The following PADI3 variants were observed in gnomAD, a reference collection of about 807,000 sequenced individuals.
PADI3 encodes peptidyl arginine deiminase 3.
PADI3 carries 53 observed loss-of-function variants against 71.5 expected under a neutral mutation model. The ratio of observed to expected loss-of-function variants is 0.74; its 90% CI spans 0.59 to 0.93. The LOEUF (loss-of-function observed/expected upper bound fraction) is 0.93. Ranked by LOEUF, PADI3 falls within the 40% of genes least tolerant of loss-of-function variation. PADI3 has a pLI of 0.00. For missense variants in PADI3, 821 were observed against 868.0 expected (o/e 0.95, Z 0.68); for synonymous variants, 361 against 347.5 (o/e 1.04, Z -0.43).
rs1319455911 is a variant in PADI3, at chr1:17,267,860, G to A, written c.550G>A (p.Val184Ile). 6.8e-6 allele frequency: 11 copies of A among 1,614,038 alleles called. No homozygotes were observed. The highest frequency in any genetic ancestry group is 9.3e-6 in the Non-Finnish European group (11 of 1,180,042). Residue 184 changes from valine to isoleucine, a missense_variant, in exon 6 of 16, where the codon GTC becomes ATC. Transcript: ENST00000375460. ...AGACCTGGAAGACATGTCTGTCATG[G>A]TCCTGCGGACGCAGGGCCCTGCAGC... ...LQDLEDMSVM[V>I]LRTQGPAALF...
At chr1:17,265,255 C>A (rs4920585) in intron 3 of PADI3, among the ~76,000 whole-genome samples, 1 of 151,914 alleles carries the variant, frequency 6.6e-6, no homozygotes, top group African/African-American at 2.4e-5. Context: ...AGCCAGGAGG[C>A]GGCAGAACCT....
chr1:17,268,039 T>C, intron 6 of PADI3, 77 bp downstream of exon 6: 1 of 1,556,996 alleles, frequency 6.4e-7, no homozygotes, highest in Non-Finnish European at 8.8e-7. Flanking sequence ...TGTTCCTGCC[T>C]TGGGCCATGG....
chr1:17,258,364 G>T (rs1165540686), intron 1 of PADI3, among the ~76,000 whole-genome samples: 1 of 152,238 alleles, frequency 6.6e-6, no homozygotes, highest in Non-Finnish European at 1.5e-5. Context: ...GCAGTGGGTG[G>T]ATCTGCCCGC....
intron 1 of PADI3, among the ~76,000 whole-genome samples, chr1:17,255,136 G>T (rs1332666612): frequency 1.3e-5 from 2 of 152,212 alleles, no homozygotes; most frequent in South Asian, 4.1e-4. Flanking sequence ...CTAAGAATCT[G>T]CATTTTCAAT....
chr1:17,259,462 G>T, intron 1 of PADI3, 116 bp from the exon 2 acceptor site: 1 of 858,730 alleles, frequency 1.2e-6, no homozygotes, highest in Middle Eastern at 2.4e-4. Context: ...GAGGATCTGA[G>T]GGGACTGGGT....
chr1:17,282,182 T>C (rs979655197), intron 15 of PADI3, among the ~76,000 whole-genome samples: 22 of 152,292 alleles, frequency 1.4e-4, no homozygotes, highest in African/African-American at 5.1e-4. Context: ...GGTTCTTGTG[T>C]TCGCAAGAGA....
chr1:17,276,683 CG>C lies in PADI3; in HGVS notation c.1452+21del, dbSNP rs770105151. 12 of 1,613,786 alleles carry C rather than the reference CG, an allele frequency of 7.4e-6. No individual in the cohort carries two copies. Among genetic ancestry groups the C allele is most frequent in the African/African-American group, 2.7e-5 (2 of 74,910 alleles). On this transcript the variant is annotated intron_variant, in intron 12 of 15. Coordinates refer to ENST00000375460, the MANE Select transcript of PADI3 (RefSeq NM_016233.2). Reference sequence around the variant, plus strand: ...GGGAAGGTAAGAACTTCGTGCATGACGTGTCTTTCCCTGGCATCTGGGGCAA... The same window carrying C: ...GGGAAGGTAAGAACTTCGTGCATGACTGTCTTTCCCTGGCATCTGGGGCAA...
intron 7 of PADI3, 35 bp downstream of exon 7, chr1:17,270,446 C>G: frequency 6.4e-7 from 1 of 1,569,012 alleles, no homozygotes; most frequent in South Asian, 1.2e-5. Context: ...GAGCTCCACT[C>G]GGGACCAGCC....
At chr1:17,258,335 G>A (rs780703681) in intron 1 of PADI3, among the ~76,000 whole-genome samples, 2 of 152,200 alleles carry the variant, frequency 1.3e-5, no homozygotes, top group Non-Finnish European at 2.9e-5. Context: ...GCTCCCCAGC[G>A]GGATCAACAG....
At chr1:17,281,230 AG>A (rs941360160) in intron 15 of PADI3, among the ~76,000 whole-genome samples, 2 of 152,184 alleles carry the variant, frequency 1.3e-5, no homozygotes, top group African/African-American at 4.8e-5. Flanking sequence ...AGGGACTTTC[AG>A]TCTAATCGGT....
intron 6 of PADI3, among the ~76,000 whole-genome samples, chr1:17,269,334 C>T (rs2073214804): frequency 6.6e-6 from 1 of 152,174 alleles, no homozygotes; most frequent in Admixed American, 6.5e-5. Flanking sequence ...TTATTGAGCT[C>T]TACTTCATTC....
At chr1:17,268,886 C>CCT (rs1157872988) in intron 6 of PADI3, among the ~76,000 whole-genome samples, 6 of 132,598 alleles carry the variant, frequency 4.5e-5, no homozygotes, top group Non-Finnish European at 8.0e-5. Flanking sequence ...CTAAATCTGA[C>CCT]TTTTTTTTTT....
chr1:17,268,074 G>A, intron 6 of PADI3, 112 bp downstream of exon 6: 1 of 1,288,730 alleles, frequency 7.8e-7, no homozygotes, highest in Non-Finnish European at 1.1e-6. Flanking sequence ...CACTCCGGGA[G>A]ATGCCCTGGT....
intron 10 of PADI3, 77 bp downstream of exon 10, chr1:17,273,524 C>A: frequency 1.2e-6 from 1 of 861,400 alleles, no homozygotes; most frequent in Non-Finnish European, 1.9e-6. Flanking sequence ...GTGTGGGGTA[C>A]AGAGGGCAGC....
At chr1:17,257,285 G>A (rs916643856) in intron 1 of PADI3, among the ~76,000 whole-genome samples, 4 of 152,200 alleles carry the variant, frequency 2.6e-5, no homozygotes, top group African/African-American at 9.7e-5. Context: ...TCCCCTGTGG[G>A]GGGCTGCCCA....
chr1:17,265,670 G>A lies in PADI3; in HGVS notation c.358G>A (p.Asp120Asn). The A allele has an allele frequency of 6.2e-7, 1 of 1,614,160 alleles. No individual in the cohort carries two copies. Among genetic ancestry groups the A allele is most frequent in the Non-Finnish European group, 8.5e-7 (1 of 1,180,010 alleles). Residue 120 changes from aspartate to asparagine, a missense_variant, in exon 4 of 16, where the codon GAT becomes AAT. Transcript: ENST00000375460. ...LYLTCVDISL[D>N]CDLNCEGRQD... is the part of the protein sequence containing the mutation. ...GCCTCCTCTTGCAGACATCTCTCTG[G>A]ATTGCGACCTGAACTGTGAGGGAAG...
chr1:17,276,903 T>G (rs1193715580), intron 13 of PADI3, 27 bp downstream of exon 13: 7 of 1,572,514 alleles, frequency 4.5e-6, no homozygotes, highest in Non-Finnish European at 6.1e-6. Flanking sequence ...TGTCCCTCCT[T>G]GCGGCTTGCC....
intron 1 of PADI3, among the ~76,000 whole-genome samples, chr1:17,255,695 A>T (rs2073019239): frequency 6.6e-6 from 1 of 152,138 alleles, no homozygotes; most frequent in Admixed American, 6.5e-5. Context: ...CAGCAGCCCT[A>T]CCTTCTAGTC....
chr1:17,259,977 T>C (rs1032158660), intron 2 of PADI3, among the ~76,000 whole-genome samples: 2 of 152,222 alleles, frequency 1.3e-5, no homozygotes, highest in Non-Finnish European at 2.9e-5. Flanking sequence ...GGCCTCTGTC[T>C]GCCATCTGTA....
Sources: allele counts gnomAD v4.1 joint callset (sites outside exome capture counted in the v4.1 genomes callset), GRCh38; gene constraint gnomAD v4.1.1; transcripts MANE v1.5; gene names NCBI Gene and HGNC (gene_info 2026-07-23, HGNC 2026-07-21).